Variants in CRB1 observed in about 807,000 individuals in gnomAD.
CRB1 encodes the protein protein crumbs homolog 1.
In CRB1, 83 loss-of-function variants were observed where a neutral mutation model predicts 120.0. The observed-to-expected ratio is 0.69, with a 90% CI of 0.58 to 0.83. The LOEUF (loss-of-function observed/expected upper bound fraction) is 0.83. Among genes scored for constraint, CRB1 ranks in the 40% least tolerant of loss-of-function variants. The probability of loss-of-function intolerance (pLI) is 0.00; values close to 1 mark genes in which losing one functional copy is unlikely to be tolerated. For missense variants in CRB1, 1,699 were observed against 1,687.6 expected (o/e 1.01, Z -0.12); for synonymous variants, 625 against 612.5 (o/e 1.02, Z -0.30).
the CRB1 span, among the ~76,000 whole-genome samples, chr1:197,262,144 A>G: frequency 6.6e-6 from 1 of 152,196 alleles, no homozygotes; most frequent in African/African-American, 2.4e-5. Context: ...TTGCAGGTGT[A>G]CATATAATAT....
intron 1 of CRB1, among the ~76,000 whole-genome samples, chr1:197,322,553 T>C (rs1340748772): frequency 6.6e-6 from 1 of 151,954 alleles, no homozygotes; most frequent in East Asian, 1.9e-4. Context: ...TATTTAAAAT[T>C]AATTTGCCTG....
At chr1:197,339,006 C>T (rs967099867) in intron 2 of CRB1, among the ~76,000 whole-genome samples, 2 of 152,086 alleles carry the variant, frequency 1.3e-5, no homozygotes, top group African/African-American at 4.8e-5. Context: ...ATTCGGCAGT[C>T]CTTCAGAGAT....
intron 1 of CRB1, among the ~76,000 whole-genome samples, chr1:197,302,839 G>GA (rs1027934742): frequency 7.9e-5 from 12 of 152,132 alleles, no homozygotes; most frequent in Admixed American, 7.9e-4. Context: ...ATTAAAATCA[G>GA]AAAAAACAAA....
chr1:197,442,556 A>G, intron 11 of CRB1: 1 of 1,425,296 alleles, frequency 7.0e-7, no homozygotes. Flanking sequence ...GCTTATTTTA[A>G]ACATATCAGA....
In CRB1 at chr1:197,435,292, C is replaced by T. The variant is rs755489411; in HGVS notation, c.3429C>T (p.Cys1143=). 2.5e-6 allele frequency: 4 copies of T among 1,613,858 alleles called. No individual in the cohort carries two copies. In the South Asian group the frequency reaches 3.3e-5, roughly 13 times the overall value. Residue 1143 remains cysteine, a synonymous_variant, in exon 9 of 12, where the codon TGC becomes TGT. Coordinates refer to ENST00000367400, the MANE Select transcript of CRB1 (RefSeq NM_201253.3). ...CTGGCTGTTTGCAGTTAAATGTCTGCAACTCCAACCCCTGTTTGCATGGAG... is the reference window on the plus strand; with the variant it reads ...CTGGCTGTTTGCAGTTAAATGTCTGTAACTCCAACCCCTGTTTGCATGGAG... The part of the protein sequence containing the change: ...VVTGCLQLNV[C]NSNPCLHGGN...
chr1:197,239,300 A>T, the CRB1 span, among the ~76,000 whole-genome samples: 1 of 152,124 alleles, frequency 6.6e-6, no homozygotes, highest in Non-Finnish European at 1.5e-5. Context: ...TCAAATTTTG[A>T]TATTAAAATA....
intron 1 of CRB1, among the ~76,000 whole-genome samples, chr1:197,284,718 C>T (rs1338276433): frequency 6.6e-6 from 1 of 151,776 alleles, no homozygotes; most frequent in East Asian, 1.9e-4. Context: ...AGGATAGTGC[C>T]TGACACGTAG....
Position 197,477,727 on chromosome 1 carries a change from C to T in CRB1, c.4069C>T (p.Leu1357=). Reference sequence around the variant, plus strand: ...TGGCTCAGTGACTGTCGCCTTGTTACTGATCCTCTTGCTGGCCATTGTTGC... The same window carrying T: ...TGGCTCAGTGACTGTCGCCTTGTTATTGATCCTCTTGCTGGCCATTGTTGC... The part of the protein sequence containing the change: ...TIGSVTVALL[L]ILLLAIVASV... The change falls in exon 12 of 12, where the codon CTG becomes TTG. Residue 1357 remains leucine, a synonymous_variant. Coordinates refer to ENST00000367400, the MANE Select transcript of CRB1 (RefSeq NM_201253.3). The T allele has an allele frequency of 1.2e-6, 2 of 1,613,950 alleles. No homozygotes were observed. The highest frequency in any genetic ancestry group is 1.7e-6 in the Non-Finnish European group (2 of 1,179,900).
Position 197,421,382 on chromosome 1 carries a change from G to T in CRB1, c.1554G>T (p.Gln518His), listed in dbSNP as rs769209086. The change falls in exon 6 of 12, where the codon CAG becomes CAT. Residue 518 changes from glutamine to histidine, a missense_variant. Transcript: ENST00000367400. The part of the protein sequence containing the change: ...CNIALRFQTV[Q>H]PMALLLFRSN... ...TAGCCCTCAGGTTTCAGACTGTTCAGCCAATGGCTCTTCTACTTTTCCGAA... is the reference window on the plus strand; with the variant it reads ...TAGCCCTCAGGTTTCAGACTGTTCATCCAATGGCTCTTCTACTTTTCCGAA... The T allele has an allele frequency of 6.2e-7, 1 of 1,614,228 alleles. No individual in the cohort carries two copies. Among genetic ancestry groups the T allele is most frequent in the Non-Finnish European group, 8.5e-7 (1 of 1,180,048 alleles).
At chr1:197,474,769 G>A (rs1023840394) in intron 11 of CRB1, among the ~76,000 whole-genome samples, 3 of 152,140 alleles carry the variant, frequency 2.0e-5, no homozygotes, top group African/African-American at 4.8e-5. Context: ...CAGGAGAACC[G>A]CCATTTACTC....
the CRB1 span, among the ~76,000 whole-genome samples, chr1:197,244,006 AT>A: frequency 1.3e-5 from 2 of 151,234 alleles, no homozygotes; most frequent in African/African-American, 4.8e-5. Context: ...CTTGCCTTTT[AT>A]TTTGCTTTCC....
At chr1:197,313,683 A>G (rs1252427348) in intron 1 of CRB1, among the ~76,000 whole-genome samples, 1 of 152,140 alleles carries the variant, frequency 6.6e-6, no homozygotes, top group African/African-American at 2.4e-5. Context: ...CCCATGTATA[A>G]GTGAGAACAT....
At chr1:197,254,932 T>C in the CRB1 span, among the ~76,000 whole-genome samples, 1 of 152,150 alleles carries the variant, frequency 6.6e-6, no homozygotes, top group African/African-American at 2.4e-5. Context: ...CAACAGGGTC[T>C]AATTTTTTTC....
intron 11 of CRB1, among the ~76,000 whole-genome samples, chr1:197,446,841 A>G (rs1488973334): frequency 6.6e-6 from 1 of 152,178 alleles, no homozygotes; most frequent in African/African-American, 2.4e-5. Context: ...TTGATTGGAT[A>G]AATGAATGAA....
At chr1:197,475,018 C>A (rs1667140939) in intron 11 of CRB1, among the ~76,000 whole-genome samples, 1 of 152,138 alleles carries the variant, frequency 6.6e-6, no homozygotes, top group African/African-American at 2.4e-5. Flanking sequence ...AGCATGGCCA[C>A]ACAGTATGGA....
Position 197,435,395 on chromosome 1 carries a change from A to G in CRB1, c.3532A>G (p.Ile1178Val), listed in dbSNP as rs753093284. The G allele has an allele frequency of 1.9e-5, 31 of 1,607,544 alleles. No individual in the cohort carries two copies. The highest frequency in any genetic ancestry group is 1.8e-4 in the East Asian group (8 of 44,800). Residue 1178 changes from isoleucine (I) to valine (V), a missense_variant, in exon 9 of 12, where the codon ATC (isoleucine) becomes GTC (valine). Physicochemically the swap from Ile to Val is conservative, Grantham distance 29. Transcript: ENST00000367400. Reference protein sequence around the residue: ...GWSGKHCELNIDECFSNPCIH... With the variant: ...GWSGKHCELNVDECFSNPCIH... ...GTCAGGGAAACACTGTGAACTCAAC[A>G]TCGATGAATGCTTTTCAAACCCCTG...
intron 1 of CRB1, among the ~76,000 whole-genome samples, chr1:197,285,462 A>G (rs560897860): frequency 1.3e-5 from 2 of 152,026 alleles, no homozygotes; most frequent in Admixed American, 1.3e-4. Context: ...CTCATTTTTA[A>G]CACATCAGTG....
At position 197,301,184 on chromosome 1, in the gene CRB1, A is replaced by T. The variant is rs1261246552; in HGVS notation, c.71-27238A>T. 9.4e-5 allele frequency among the ~76,000 whole-genome samples: 14 copies of T among 148,820 alleles called. No individual in the cohort carries two copies. In the South Asian group the frequency reaches 3.0e-3, roughly 32 times the overall value. On this transcript the variant is annotated intron_variant, in intron 1 of 11. Transcript: ENST00000367400. ...GCTTTCAAGTCTTTTTTTTTTTTTT[A>T]AGACCGAGTATCACTCTATCACCCA...
chr1:197,224,302 A>G, the CRB1 span, among the ~76,000 whole-genome samples: 2 of 152,164 alleles, frequency 1.3e-5, no homozygotes, highest in Non-Finnish European at 2.9e-5. Context: ...AAACACAATT[A>G]CATTTAAAAG....
Sources: allele counts gnomAD v4.1 joint callset (sites outside exome capture counted in the v4.1 genomes callset), GRCh38; gene constraint gnomAD v4.1.1; transcripts MANE v1.5; gene names NCBI Gene and HGNC (gene_info 2026-07-23, HGNC 2026-07-21).